The following GRIA3 variants were observed in gnomAD, a reference collection of about 807,000 sequenced individuals.
The protein encoded by GRIA3 is glutamate receptor 3.
In GRIA3, 3 loss-of-function variants were observed where a neutral mutation model predicts 63.0. That is an observed-to-expected ratio of 0.05 (90% CI 0.02 to 0.12). The LOEUF is 0.12. GRIA3 is among the 10% of genes least tolerant of loss of function. The pLI, the probability that GRIA3 is intolerant of heterozygous loss-of-function variation, is 1.00. For missense variants in GRIA3, 347 were observed against 700.9 expected, an observed-to-expected ratio of 0.50 and a Z score of 5.70; for synonymous variants, 274 against 257.9, an observed-to-expected ratio of 1.06 and a Z score of -0.60.
chrX:123,188,704 A>C (rs1927343668), intron 2 of GRIA3, among the ~76,000 whole-genome samples: 2 of 111,758 alleles, frequency 1.8e-5, no homozygotes, highest in Non-Finnish European at 3.8e-5. Context: ...CCTTATTCCT[A>C]TGCAAAATTC....
chrX:123,489,790 A>G lies in GRIA3; in HGVS notation c.*1080A>G, dbSNP rs2045959865. The G allele has an allele frequency of 8.9e-6, 1 of 112,278 alleles. No homozygotes were observed. The highest frequency in any genetic ancestry group is 3.2e-5 in the African/African-American group (1 of 30,802). The allele number at this position is 112,278 out of a possible 1,213,427, so 9.3% of individuals were successfully genotyped here. A position where few individuals can be genotyped will look rare whatever the true frequency, so the allele number is the denominator to read the frequency against. ...AGGCGGGACAGCAGGTTCAGACCACAGTTCTCAGTCTGACTTTACTCTTGC... is the reference window on the plus strand; with the variant it reads ...AGGCGGGACAGCAGGTTCAGACCACGGTTCTCAGTCTGACTTTACTCTTGC... On this transcript the variant is annotated 3_prime_UTR_variant, in exon 16 of 16. Coordinates refer to ENST00000620443, the MANE Select transcript of GRIA3 (RefSeq NM_007325.5).
At chrX:123,456,483 T>A (rs954667236) in intron 12 of GRIA3, among the ~76,000 whole-genome samples, 1 of 111,268 alleles carries the variant, frequency 9.0e-6, no homozygotes, top group African/African-American at 3.3e-5. Context: ...ATTTCCACAG[T>A]TGGAGTCTTA....
At chrX:123,185,518 C>G (rs931454644) in intron 1 of GRIA3, among the ~76,000 whole-genome samples, 4 of 97,097 alleles carry the variant, frequency 4.1e-5, no homozygotes, top group Non-Finnish European at 8.3e-5. Context: ...AGGGGGGGGG[C>G]GACTAAAAAA....
At chrX:123,354,610 A>T (rs1215223659) in intron 4 of GRIA3, among the ~76,000 whole-genome samples, 3 of 111,571 alleles carry the variant, frequency 2.7e-5, no homozygotes, top group Admixed American at 9.6e-5. Context: ...AATCGAGTTC[A>T]TGAGTGGGGG....
chrX:123,327,932 A>T (rs770695753), intron 4 of GRIA3, among the ~76,000 whole-genome samples: 4 of 111,918 alleles, frequency 3.6e-5, no homozygotes, highest in African/African-American at 1.3e-4. Context: ...CTAAAATTTT[A>T]TACCAAAATA....
At chrX:123,444,677 C>T (rs1270901850) in intron 12 of GRIA3, among the ~76,000 whole-genome samples, 1 of 110,686 alleles carries the variant, frequency 9.0e-6, no homozygotes, top group African/African-American at 3.3e-5. Flanking sequence ...GTATCTTTAC[C>T]AGCGAGAGTT....
chrX:123,334,557 T>A (rs1032428029), intron 4 of GRIA3, among the ~76,000 whole-genome samples: 6 of 112,265 alleles, frequency 5.3e-5, no homozygotes, highest in Non-Finnish European at 9.4e-5. Flanking sequence ...ATGTTCTACT[T>A]AATCAACAGT....
chrX:123,386,120 C>G (rs1444764165), intron 5 of GRIA3, among the ~76,000 whole-genome samples: 1 of 110,908 alleles, frequency 9.0e-6, no homozygotes, highest in Non-Finnish European at 1.9e-5. Flanking sequence ...TTGTTTTTGT[C>G]TTTTTAATAG....
chrX:123,314,110 C>T (rs2044816003), intron 3 of GRIA3, among the ~76,000 whole-genome samples: 1 of 111,766 alleles, frequency 8.9e-6, no homozygotes, highest in Non-Finnish European at 1.9e-5. Context: ...CTCTCTGCCC[C>T]GGGTATCTAT....
intron 5 of GRIA3, among the ~76,000 whole-genome samples, chrX:123,375,101 G>T (rs749451787): frequency 1.0e-3 from 116 of 111,556 alleles, no homozygotes; most frequent in Middle Eastern, 4.6e-3. Context: ...TTATGTTGAG[G>T]TATGTTCCTT....
chrX:123,293,501 T>C (rs896780418), intron 3 of GRIA3, among the ~76,000 whole-genome samples: 2 of 110,344 alleles, frequency 1.8e-5, no homozygotes, highest in African/African-American at 6.6e-5. Context: ...GTGCTTTTGC[T>C]TGCCCATACC....
rs939830106 is a variant in GRIA3, at chrX:123,317,196, C to T, written c.509-8830C>T. Among the ~76,000 whole-genome samples, 3 of 111,271 alleles carry T rather than the reference C, an allele frequency of 2.7e-5. No homozygotes were observed. In the South Asian group the frequency reaches 1.2e-3, roughly 43 times the overall value. On this transcript the variant is annotated intron_variant, in intron 3 of 15. Transcript: ENST00000620443. ...ACCAGCCCCCATGATCTAATTAACT[C>T]CCCTGGGCCCCTCCCACAACACAGG... is the stretch of plus-strand genomic sequence containing the variant.
intron 3 of GRIA3, among the ~76,000 whole-genome samples, chrX:123,274,688 G>A (rs192457982): frequency 7.1e-5 from 8 of 112,243 alleles, no homozygotes; most frequent in African/African-American, 1.9e-4. Flanking sequence ...CAAACATCAA[G>A]GTGGGATGGA....
At chrX:123,306,250 C>T (rs2044754216) in intron 3 of GRIA3, among the ~76,000 whole-genome samples, 1 of 111,508 alleles carries the variant, frequency 9.0e-6, no homozygotes, top group Non-Finnish European at 1.9e-5. Flanking sequence ...TTTATGATTC[C>T]CTTATGCCAC....
chrX:123,432,696 G>A (rs906486187), intron 12 of GRIA3, among the ~76,000 whole-genome samples: 10 of 112,253 alleles, frequency 8.9e-5, no homozygotes, highest in African/African-American at 2.9e-4. Flanking sequence ...GAACAGTACC[G>A]TTGAAGATAC....
rs1256322734 is a variant in GRIA3, at chrX:123,373,310, G to A, written c.750+18347G>A. On this transcript the variant is annotated intron_variant, in intron 5 of 15. Transcript: ENST00000620443. ...TTCCAAGTCTTTGCTACTGTGAATAGTGCCACAATAAACATATGTGTGCAT... is the reference window on the plus strand; with the variant it reads ...TTCCAAGTCTTTGCTACTGTGAATAATGCCACAATAAACATATGTGTGCAT... 1.4e-3 allele frequency among the ~76,000 whole-genome samples: 154 copies of A among 111,684 alleles called. 1 individual carries two copies. The highest frequency in any genetic ancestry group is 2.4e-3 in the Non-Finnish European group (125 of 53,113).
intron 1 of GRIA3, among the ~76,000 whole-genome samples, chrX:123,185,590 A>C (rs1223686570): frequency 9.1e-6 from 1 of 109,775 alleles, no homozygotes; most frequent in African/African-American, 3.3e-5. Flanking sequence ...TCCTAACCCA[A>C]AACGGCTCCC....
intron 6 of GRIA3, among the ~76,000 whole-genome samples, chrX:123,398,412 C>T (rs1275146387): frequency 9.0e-6 from 1 of 111,501 alleles, no homozygotes; most frequent in Admixed American, 9.6e-5. Context: ...AGAGAGATTG[C>T]CTTGAGCCAT....
chrX:123,462,443 TTGTGCAAACCAAATG>T (rs1397610168), intron 12 of GRIA3, among the ~76,000 whole-genome samples: 1 of 111,980 alleles, frequency 8.9e-6, no homozygotes, highest in Non-Finnish European at 1.9e-5. Context: ...TTGCTATAAT[TTGTGCAAACCAAATG>T]TGTTCCCATC....
Sources: allele counts gnomAD v4.1 joint callset (sites outside exome capture counted in the v4.1 genomes callset), GRCh38; gene constraint gnomAD v4.1.1; transcripts MANE v1.5; gene names NCBI Gene and HGNC (gene_info 2026-07-23, HGNC 2026-07-21).